Variants in SCN1A observed in about 807,000 individuals in gnomAD.
SCN1A encodes sodium channel protein type 1 subunit alpha.
SCN1A carries 13 observed loss-of-function variants against 193.7 expected under a neutral mutation model. The observed-to-expected ratio is 0.07, with a 90% CI of 0.04 to 0.11. SCN1A has a LOEUF of 0.11. Among genes scored for constraint, SCN1A ranks in the 10% least tolerant of loss-of-function variants. The pLI, the probability that SCN1A is intolerant of heterozygous loss-of-function variation, is 1.00. For synonymous variants in SCN1A, 781 were observed against 843.6 expected, an observed-to-expected ratio of 0.93 and a Z score of 1.29; for missense variants, 1,432 against 2,451.1, an observed-to-expected ratio of 0.58 and a Z score of 8.78.
In SCN1A at chr2:165,987,016, C is replaced by T. The variant is rs1416996900; in HGVS notation, c.*4229G>A. On this transcript the variant is annotated 3_prime_UTR_variant, in exon 29 of 29. Coordinates refer to ENST00000674923, the MANE Select transcript of SCN1A (RefSeq NM_001165963.4). ...CAACTTTCCCAATAATATTATTTAT[C>T]TGTTATTTTTTAATTTGATATTCCA... 1.3e-5 allele frequency: 2 copies of T among 152,006 alleles called. No individual in the cohort carries two copies. Among genetic ancestry groups the T allele is most frequent in the Non-Finnish European group, 2.9e-5 (2 of 67,960 alleles). 9.4% of individuals were successfully genotyped at this position (152,006 alleles called of 1,614,324 possible).
At chr2:166,039,299 C>A in intron 17 of SCN1A, 124 bp downstream of exon 17, 1 of 967,346 alleles carries the variant, frequency 1.0e-6, no homozygotes, top group Non-Finnish European at 1.6e-6. Flanking sequence ...TTTGACAATG[C>A]AAATGTTACA....
At chr2:166,028,339 C>T (rs1695077201) in intron 19 of SCN1A, among the ~76,000 whole-genome samples, 1 of 152,016 alleles carries the variant, frequency 6.6e-6, no homozygotes, top group Non-Finnish European at 1.5e-5. Context: ...GAGTAATTTT[C>T]ATTGTTAAAT....
chr2:166,086,544 C>A (rs991137979), intron 2 of SCN1A, among the ~76,000 whole-genome samples: 1 of 152,084 alleles, frequency 6.6e-6, no homozygotes, highest in Non-Finnish European at 1.5e-5. Flanking sequence ...ATTTGGCCAC[C>A]GTGCTTAGCA....
At chr2:166,145,098 A>C (rs1692256613) in intron 1 of SCN1A, among the ~76,000 whole-genome samples, 5 of 150,596 alleles carry the variant, frequency 3.3e-5, no homozygotes, top group Admixed American at 3.3e-4. Context: ...GGTCTCCCAA[A>C]GTGTTGGGAT....
upstream of SCN1A, among the ~76,000 whole-genome samples, chr2:166,129,657 TG>T (rs1168329506): frequency 6.6e-6 from 1 of 151,960 alleles, no homozygotes; most frequent in Non-Finnish European, 1.5e-5. Context: ...GAAAAGAGAG[TG>T]GGAACTGCAT....
At position 166,073,508 on chromosome 2, in the gene SCN1A, T is replaced by G; in HGVS notation, c.114A>C (p.Lys38Asn). 6.2e-7 allele frequency: 1 copy of G among 1,614,160 alleles called. No homozygotes were observed. The highest frequency in any genetic ancestry group is 8.5e-7 in the Non-Finnish European group (1 of 1,180,020). Residue 38 changes from lysine (K) to asparagine (N), a missense_variant, in exon 4 of 29, where the codon AAA (lysine) becomes AAC (asparagine). Physicochemically the swap from Lys to Asn is moderately conservative, Grantham distance 94. Transcript: ENST00000674923. The part of the protein sequence containing the change: ...RIAEEKAKNP[K>N]PDKKDDDENG... Reference sequence around the variant, plus strand: ...TTTCGTCGTCATCTTTTTTGTCTGGTTTGGGATTCTTTGCCTTTTCTTCTG... The same window carrying G: ...TTTCGTCGTCATCTTTTTTGTCTGGGTTGGGATTCTTTGCCTTTTCTTCTG...
chr2:166,039,634 A>T lies in SCN1A; in HGVS notation c.2416-38T>A, dbSNP rs781017289. On this transcript the variant is annotated intron_variant, in intron 16 of 28. Transcript: ENST00000674923. ...CAAAATTAATCTAATTCCACCAGAT[A>T]ATAACATACATGACATAAGATTTGC... is the stretch of plus-strand genomic sequence containing the variant. The T allele has an allele frequency of 8.5e-6, 13 of 1,524,750 alleles. No homozygotes were observed. The South Asian group carries it at 1.2e-4, about 15-fold the overall frequency. The allele number at this position is 1,524,750 out of a possible 1,614,324, so 94.5% of individuals were successfully genotyped here.
Position 166,035,934 on chromosome 2 carries a change from TAA to T in SCN1A, c.3429+112_3429+113del, listed in dbSNP as rs34673057. 5.9e-3 allele frequency: 6,273 copies of T among 1,057,238 alleles called. 18 individuals carry two copies. The highest frequency in any genetic ancestry group is 6.6e-3 in the Non-Finnish European group (4,868 of 738,182). The allele number at this position is 1,057,238 out of a possible 1,614,324, so 65.5% of individuals were successfully genotyped here. A position where few individuals can be genotyped will look rare whatever the true frequency, so the allele number is the denominator to read the frequency against. ...CTATTGCTTTTGTATTATCATAAAG[TAA>T]AAAAAAAAAAAAATCTTAAGTCAAA... is the stretch of plus-strand genomic sequence containing the variant. On this transcript the variant is annotated intron_variant, in intron 19 of 28. Coordinates refer to ENST00000674923, the MANE Select transcript of SCN1A (RefSeq NM_001165963.4).
At chr2:166,047,106 A>G in intron 11 of SCN1A, 130 bp from the exon 12 acceptor site, 1 of 1,007,650 alleles carries the variant, frequency 9.9e-7, no homozygotes, top group Admixed American at 2.5e-5. Flanking sequence ...AGCACCCTGT[A>G]CTTTTTTTTT....
chr2:166,100,601 A>G lies in SCN1A; in HGVS notation c.-141-22800T>C, dbSNP rs1480041832. On this transcript the variant is annotated intron_variant, in intron 2 of 28. Transcript: ENST00000674923. ...ACCTACAAAATGGGAGAAAATTTTC[A>G]CAACCTACTCATCTGACAAAGGGCT... 4.7e-3 allele frequency among the ~76,000 whole-genome samples: 702 copies of G among 149,878 alleles called. 4 individuals carry two copies. Among genetic ancestry groups the G allele is most frequent in the African/African-American group, 0.016 (661 of 40,708 alleles).
At chr2:166,071,410 G>T (rs553130644) in intron 4 of SCN1A, among the ~76,000 whole-genome samples, 4 of 152,046 alleles carry the variant, frequency 2.6e-5, no homozygotes, top group Non-Finnish European at 5.9e-5. Context: ...AGAGGAAAAT[G>T]AAATACATGG....
chr2:166,131,388 CTGTAAGACTCCGTCT>C (rs1403171573), upstream of SCN1A, among the ~76,000 whole-genome samples: 1 of 144,058 alleles, frequency 6.9e-6, no homozygotes, highest in Admixed American at 6.7e-5. Flanking sequence ...GACTCCGTCT[CTGTAAGACTCCGTCT>C]CTGTCCTGTG....
chr2:166,105,184 T>A (rs1184907205), intron 2 of SCN1A, among the ~76,000 whole-genome samples: 1 of 152,238 alleles, frequency 6.6e-6, no homozygotes, highest in African/African-American at 2.4e-5. Context: ...TTTTCACTTT[T>A]AAAAGGTTTC....
intron 19 of SCN1A, among the ~76,000 whole-genome samples, chr2:166,028,465 A>G (rs1251099258): frequency 6.6e-6 from 1 of 152,192 alleles, no homozygotes; most frequent in Non-Finnish European, 1.5e-5. Context: ...GTATATCTAT[A>G]TAATGAAAGA....
chr2:166,069,978 A>C (rs1416195362), intron 4 of SCN1A, among the ~76,000 whole-genome samples: 2 of 152,206 alleles, frequency 1.3e-5, no homozygotes, highest in Non-Finnish European at 2.9e-5. Flanking sequence ...CAGATAACCC[A>C]GTCACTAAAG....
chr2:166,087,142 G>A (rs1283685082), intron 2 of SCN1A, among the ~76,000 whole-genome samples: 1 of 147,814 alleles, frequency 6.8e-6, no homozygotes, highest in Non-Finnish European at 1.5e-5. Flanking sequence ...TCCTTGCTCT[G>A]TTAGTTCTCA....
At chr2:166,001,906 T>A (rs941603024) in intron 24 of SCN1A, among the ~76,000 whole-genome samples, 107 of 105,172 alleles carry the variant, frequency 1.0e-3, no homozygotes, top group Non-Finnish European at 1.5e-3. Flanking sequence ...TTTTTTTTTT[T>A]AGATGGAGTT....
At chr2:165,995,321 G>A (rs895269160) in intron 27 of SCN1A, among the ~76,000 whole-genome samples, 4 of 151,654 alleles carry the variant, frequency 2.6e-5, no homozygotes, top group African/African-American at 9.7e-5. Context: ...ATGCACCCTA[G>A]GAATTACTGA....
intron 6 of SCN1A, among the ~76,000 whole-genome samples, chr2:166,055,144 A>G (rs1179793562): frequency 6.6e-6 from 1 of 151,642 alleles, no homozygotes; most frequent in African/African-American, 2.4e-5. Context: ...AAAAATCTCA[A>G]GTTTAATAGT....
Sources: allele counts gnomAD v4.1 joint callset (sites outside exome capture counted in the v4.1 genomes callset), GRCh38; gene constraint gnomAD v4.1.1; transcripts MANE v1.5; gene names NCBI Gene and HGNC (gene_info 2026-07-23, HGNC 2026-07-21).